Variants in KIAA1958 observed in about 807,000 individuals in gnomAD.
KIAA1958 encodes the protein KIAA1958.
A neutral mutation model predicts 47.2 loss-of-function variants in KIAA1958; 14 were observed. The observed-to-expected ratio is 0.30, with a 90% CI of 0.20 to 0.46. The LOEUF is 0.46. Among genes scored for constraint, KIAA1958 ranks in the 20% least tolerant of loss-of-function variants. KIAA1958 has a pLI of 1.00. For synonymous variants in KIAA1958, 354 were observed against 353.3 expected, an observed-to-expected ratio of 1.00 and a Z score of -0.02; for missense variants, 803 against 909.2, an observed-to-expected ratio of 0.88 and a Z score of 1.50.
intron 1 of KIAA1958, among the ~76,000 whole-genome samples, chr9:112,500,284 A>G (rs1834112525): frequency 6.6e-6 from 1 of 152,056 alleles, no homozygotes. Context: ...AATTTTTAGT[A>G]GAGATGGGGT....
chr9:112,555,053 T>A (rs1835218100), intron 1 of KIAA1958, among the ~76,000 whole-genome samples: 2 of 152,186 alleles, frequency 1.3e-5, no homozygotes. Context: ...GAAAGGTAAT[T>A]AGTGCTGAGC....
chr9:112,572,034 G>C (rs1036245732), intron 1 of KIAA1958, among the ~76,000 whole-genome samples: 1 of 151,870 alleles, frequency 6.6e-6, no homozygotes, highest in African/African-American at 2.4e-5. Context: ...TTAGTGCCTT[G>C]TCTGAGACCA....
At position 112,659,944 on chromosome 9, in the gene KIAA1958, C is replaced by G; in HGVS notation, c.2026C>G (p.Arg676Gly). 1 of 1,614,214 alleles carries G rather than the reference C, an allele frequency of 6.2e-7. No homozygotes were observed. The highest frequency in any genetic ancestry group is 8.5e-7 in the Non-Finnish European group (1 of 1,180,032). ...GTATGAGGAGCAGAGGATGGGGCTG[C>G]GCTCTCTTCGGGGAATTGTCCCAAA... ...VWYEEQRMGL[R>G]SLRGIVPNLA... Residue 676 changes from arginine to glycine, a missense_variant, in exon 4 of 4, where the codon CGC becomes GGC. Transcript: ENST00000337530.
intron 2 of KIAA1958, among the ~76,000 whole-genome samples, chr9:112,621,956 G>C (rs922024629): frequency 6.6e-6 from 1 of 152,056 alleles, no homozygotes; most frequent in East Asian, 1.9e-4. Context: ...TGCCCAGGCT[G>C]GTCTCGAACT....
At chr9:112,511,300 G>A (rs1339603018) in intron 1 of KIAA1958, among the ~76,000 whole-genome samples, 3 of 152,124 alleles carry the variant, frequency 2.0e-5, no homozygotes, top group Admixed American at 6.5e-5. Context: ...GGGTGAGGGC[G>A]GACAGTCTGT....
intron 1 of KIAA1958, among the ~76,000 whole-genome samples, chr9:112,495,738 T>C (rs758633428): frequency 6.6e-6 from 1 of 152,238 alleles, no homozygotes; most frequent in African/African-American, 2.4e-5. Flanking sequence ...TTGTCATTGC[T>C]CCAAACTGAA....
intron 1 of KIAA1958, among the ~76,000 whole-genome samples, chr9:112,527,975 G>A (rs1276454729): frequency 6.6e-6 from 1 of 151,350 alleles, no homozygotes; most frequent in African/African-American, 2.4e-5. Flanking sequence ...GAGTTAAAAG[G>A]CCTGGCCATT....
In KIAA1958 at chr9:112,595,638, A is replaced by G. The variant is rs756169377; in HGVS notation, c.1171+20387A>G. 3.4e-5 allele frequency among the ~76,000 whole-genome samples: 5 copies of G among 148,362 alleles called. 1 individual carries two copies. In the South Asian group the frequency reaches 6.4e-4, roughly 19 times the overall value. ...GGTTGCAGTGAGCTGACATCATGCC[A>G]CTGGCATCCAACCTGGGCGACAGAG... On this transcript the variant is annotated intron_variant, in intron 2 of 3. Transcript: ENST00000337530.
At chr9:112,568,744 C>T (rs1173109429) in intron 1 of KIAA1958, among the ~76,000 whole-genome samples, 1 of 151,034 alleles carries the variant, frequency 6.6e-6, no homozygotes, top group African/African-American at 2.4e-5. Flanking sequence ...AAAAATGAGC[C>T]AGGTGTGGTG....
At chr9:112,585,090 C>G (rs1273021729) in intron 2 of KIAA1958, among the ~76,000 whole-genome samples, 1 of 152,214 alleles carries the variant, frequency 6.6e-6, no homozygotes, top group African/African-American at 2.4e-5. Context: ...GGAGACATGT[C>G]TCTTAGTCTT....
intron 2 of KIAA1958, among the ~76,000 whole-genome samples, chr9:112,611,744 AT>A (rs1267974674): frequency 6.6e-6 from 1 of 152,130 alleles, no homozygotes; most frequent in Non-Finnish European, 1.5e-5. Context: ...TCTAAAGCTT[AT>A]TTGTTATACA....
chr9:112,636,158 A>C (rs1235596442), intron 2 of KIAA1958, among the ~76,000 whole-genome samples: 2 of 148,618 alleles, frequency 1.3e-5, no homozygotes, highest in Non-Finnish European at 3.0e-5. Flanking sequence ...ATTATATTAA[A>C]TAATATACTT....
chr9:112,526,739 A>C (rs965319351), intron 1 of KIAA1958, among the ~76,000 whole-genome samples: 1 of 152,186 alleles, frequency 6.6e-6, no homozygotes, highest in Non-Finnish European at 1.5e-5. Context: ...ACACCCATGA[A>C]GGTGGAACCC....
chr9:112,494,556 C>T (rs907963853), intron 1 of KIAA1958, among the ~76,000 whole-genome samples: 5 of 151,672 alleles, frequency 3.3e-5, no homozygotes, highest in Admixed American at 2.0e-4. Flanking sequence ...GCAGTGTCAA[C>T]GTCTCTGGCC....
At chr9:112,552,511 C>T (rs538035643) in intron 1 of KIAA1958, among the ~76,000 whole-genome samples, 55 of 152,324 alleles carry the variant, frequency 3.6e-4, no homozygotes, top group Non-Finnish European at 6.8e-4. Flanking sequence ...AAGAGGCAGT[C>T]ACTCTTCACT....
In KIAA1958 at chr9:112,574,945, C is replaced by T. The variant is rs1016398256; in HGVS notation, c.865C>T (p.Leu289=). The T allele has an allele frequency of 1.2e-6, 2 of 1,614,118 alleles. No individual in the cohort carries two copies. The highest frequency in any genetic ancestry group is 1.7e-6 in the Non-Finnish European group (2 of 1,180,010). The change falls in exon 2 of 4, where the codon CTG becomes TTG. Residue 289 remains leucine, a synonymous_variant. Coordinates refer to ENST00000337530, the MANE Select transcript of KIAA1958 (RefSeq NM_133465.4). ...TGTCCAGAAGACTGCTAGGGTATCT[C>T]TGGCTTCACCAAACAGAGGACCCCC... ...PIVQKTARVS[L]ASPNRGPPGT... is the part of the protein sequence containing the mutation.
rs146387318 is a variant in KIAA1958 at position 112,624,155 on chromosome 9, T to A, written c.1172-21495T>A. 1.8e-3 allele frequency among the ~76,000 whole-genome samples: 271 copies of A among 152,296 alleles called. 1 individual carries two copies. Among genetic ancestry groups the A allele is most frequent in the African/African-American group, 6.3e-3 (261 of 41,554 alleles). On this transcript the variant is annotated intron_variant, in intron 2 of 3. Coordinates refer to ENST00000337530, the MANE Select transcript of KIAA1958 (RefSeq NM_133465.4). The stretch of plus-strand genomic sequence containing the variant: ...GCAAGATATCTTTTAAAGCGTTCAT[T>A]AAAAAATAGTTACAAGTACTGAAAG...
At chr9:112,534,425 T>G (rs1834816695) in intron 1 of KIAA1958, among the ~76,000 whole-genome samples, 1 of 152,242 alleles carries the variant, frequency 6.6e-6, no homozygotes, top group South Asian at 2.1e-4. Context: ...GCATTTTTAA[T>G]TAGTAAGATT....
chr9:112,603,328 G>A (rs1026665105), intron 2 of KIAA1958, among the ~76,000 whole-genome samples: 4 of 151,910 alleles, frequency 2.6e-5, no homozygotes, highest in African/African-American at 9.7e-5. Context: ...CATTTCATGT[G>A]GCTATCCCAT....
Sources: gnomAD v4.1 joint callset for allele counts (sites outside exome capture counted in the v4.1 genomes callset) on GRCh38, gnomAD v4.1.1 for gene constraint, MANE v1.5 for transcripts, NCBI Gene and HGNC (gene_info 2026-07-23, HGNC 2026-07-21) for gene names.